Variants in SHANK2 observed in about 807,000 individuals in gnomAD.
SHANK2 encodes SH3 and multiple ankyrin repeat domains protein 2.
In SHANK2, 43 loss-of-function variants were observed where a neutral mutation model predicts 133.7. That is an observed-to-expected ratio of 0.32 (90% confidence interval 0.25 to 0.41). The LOEUF is 0.41. Among genes scored for constraint, SHANK2 ranks in the 10% least tolerant of loss-of-function variants. The pLI, the probability that SHANK2 is intolerant of heterozygous loss-of-function variation, is 1.00. For synonymous variants in SHANK2, 1,017 were observed against 952.8 expected (o/e 1.07, Z -1.24); for missense variants, 1,994 against 2,235.8 (o/e 0.89, Z 2.18).
intron 2 of SHANK2, among the ~76,000 whole-genome samples, chr11:71,152,566 A>G (rs1215144100): frequency 7.2e-5 from 11 of 152,314 alleles, no homozygotes; most frequent in African/African-American, 1.9e-4. Context: ...GCCGGCGGAC[A>G]TCTTCACCCC....
At chr11:70,477,258 G>A (rs2058675940) in intron 25 of SHANK2, 1 of 152,250 alleles carries the variant, frequency 6.6e-6, no homozygotes, top group Non-Finnish European at 1.5e-5. Flanking sequence ...AACAAGAAAG[G>A]AAGAAACAGA....
chr11:70,909,267 G>A (rs1950154220), intron 10 of SHANK2, among the ~76,000 whole-genome samples: 1 of 152,228 alleles, frequency 6.6e-6, no homozygotes, highest in African/African-American at 2.4e-5. Context: ...CCTGGGGCTA[G>A]AAAGGCGTGA....
chr11:71,065,353 G>GGT (rs1362643939), intron 9 of SHANK2, among the ~76,000 whole-genome samples: 5 of 144,016 alleles, frequency 3.5e-5, no homozygotes, highest in South Asian at 2.3e-4. Context: ...AAGTTGTGGG[G>GGT]GTGTGTGTGT....
intron 17 of SHANK2, among the ~76,000 whole-genome samples, chr11:70,564,039 A>T (rs2059939288): frequency 6.6e-6 from 1 of 152,090 alleles, no homozygotes; most frequent in Admixed American, 6.6e-5. Flanking sequence ...TTCATGTGTC[A>T]CGTGTCCTTT....
At chr11:70,795,209 A>G (rs1239167134) in intron 14 of SHANK2, among the ~76,000 whole-genome samples, 1 of 151,980 alleles carries the variant, frequency 6.6e-6, no homozygotes, top group African/African-American at 2.4e-5. Flanking sequence ...CATCTGTGTT[A>G]GGGAGAAAGA....
Position 70,672,826 on chromosome 11 carries a change from C to T in SHANK2, c.1854-11148G>A, listed in dbSNP as rs117297989. Among the ~76,000 whole-genome samples the T allele has an allele frequency of 5.7e-4, 87 of 152,340 alleles. 1 individual carries two copies. The East Asian group carries it at 0.014, about 25-fold the overall frequency. On this transcript the variant is annotated intron_variant, in intron 15 of 25. Coordinates refer to ENST00000601538, the MANE Select transcript of SHANK2 (RefSeq NM_012309.5). ...TGCAGCCTTGGATGGTGCCAGCCAC[C>T]GGTGTTATTTTTGGAAGGAAGGAAA...
rs879235729 is a variant in SHANK2, at chr11:71,057,914, GT to G, written c.1030-1357del. Among the ~76,000 whole-genome samples, 493 of 121,026 alleles carry G rather than the reference GT, an allele frequency of 4.1e-3. 1 individual carries two copies. Among genetic ancestry groups the G allele is most frequent in the East Asian group, 6.6e-3 (28 of 4,224 alleles). The allele number at this position is 121,026 out of a possible 152,430, so 79.4% of individuals were successfully genotyped here. A position where few individuals can be genotyped will look rare whatever the true frequency, so the allele number is the denominator to read the frequency against. On this transcript the variant is annotated intron_variant, in intron 9 of 25. Coordinates refer to ENST00000601538, the MANE Select transcript of SHANK2 (RefSeq NM_012309.5). ...AATGTTGTTAAAAGCAAGCAAAACG[GT>G]TTTTTTTTTTTTTTTTGAGACAGGG...
At chr11:70,579,973 T>G (rs1381702612) in intron 17 of SHANK2, among the ~76,000 whole-genome samples, 1 of 152,122 alleles carries the variant, frequency 6.6e-6, no homozygotes, top group African/African-American at 2.4e-5. Context: ...TCCTGGAGCC[T>G]CCAGCAGAAA....
At chr11:70,543,929 T>C (rs1172262691) in intron 17 of SHANK2, among the ~76,000 whole-genome samples, 1 of 152,208 alleles carries the variant, frequency 6.6e-6, no homozygotes, top group African/African-American at 2.4e-5. Context: ...TTGCTTGCTG[T>C]GTGTGGGAAC....
intron 2 of SHANK2, among the ~76,000 whole-genome samples, chr11:71,205,847 T>C (rs2135659923): frequency 6.6e-6 from 1 of 152,202 alleles, no homozygotes; most frequent in East Asian, 1.9e-4. Flanking sequence ...TGGGGCCATG[T>C]CAAGAGTCGT....
chr11:70,845,188 G>T (rs371562752), intron 11 of SHANK2, among the ~76,000 whole-genome samples: 18 of 100,762 alleles, frequency 1.8e-4, no homozygotes, highest in South Asian at 7.5e-4. Context: ...GACAGAGCAA[G>T]ACTCTGTCTC....
chr11:70,942,930 G>T (rs920747470), intron 10 of SHANK2: 4 of 452,706 alleles, frequency 8.8e-6, no homozygotes, highest in African/African-American at 8.0e-5. Context: ...GGAGAATAAA[G>T]ATAGATGGGA....
chr11:70,784,343 GTTTTTTTTTTTTTTTTTT>G (rs71049942), intron 14 of SHANK2, among the ~76,000 whole-genome samples: 6 of 42,846 alleles, frequency 1.4e-4, no homozygotes, highest in South Asian at 1.4e-3. Flanking sequence ...ACACCGGCTA[GTTTTTTTTTTTTTTTTTT>G]TTTTTTTTTT....
At chr11:70,489,739 C>A in intron 23 of SHANK2, 1 of 315,586 alleles carries the variant, frequency 3.2e-6, no homozygotes, top group South Asian at 3.9e-5. Flanking sequence ...TCAAGTGTAC[C>A]TTTGCCTGCA....
At chr11:71,108,943 C>T (rs1018372376) in intron 6 of SHANK2, among the ~76,000 whole-genome samples, 2 of 152,218 alleles carry the variant, frequency 1.3e-5, no homozygotes, top group African/African-American at 4.8e-5. Context: ...GCGGGCCCCC[C>T]CCCAGCGTTC....
Position 70,490,270 on chromosome 11 carries a change from T to C in SHANK2, c.2551+6A>G, listed in dbSNP as rs558874671. Reference sequence around the variant, plus strand: ...AACTTCTGTGGGGGAGTGCCACACTTCTTACCTATTGATTTCTGCCTTCGC... The same window carrying C: ...AACTTCTGTGGGGGAGTGCCACACTCCTTACCTATTGATTTCTGCCTTCGC... On this transcript the variant is annotated splice_donor_region_variant and intron_variant, in intron 23 of 25. Transcript: ENST00000601538. 6.2e-7 allele frequency: 1 copy of C among 1,612,056 alleles called. No homozygotes were observed. Among genetic ancestry groups the C allele is most frequent in the Admixed American group, 1.7e-5 (1 of 60,028 alleles).
intron 11 of SHANK2, among the ~76,000 whole-genome samples, chr11:70,873,869 G>A (rs572653577): frequency 6.6e-6 from 1 of 152,086 alleles, no homozygotes; most frequent in South Asian, 2.1e-4. Context: ...CCAGCCTCCT[G>A]TCACTAGCAC....
chr11:70,641,424 T>A (rs1555006318), intron 17 of SHANK2, among the ~76,000 whole-genome samples: 1 of 152,152 alleles, frequency 6.6e-6, no homozygotes, highest in Admixed American at 6.5e-5. Context: ...CTTTAGCTTG[T>A]CTAGGAGGAT....
intron 17 of SHANK2, among the ~76,000 whole-genome samples, chr11:70,590,416 G>A (rs557287809): frequency 6.6e-6 from 1 of 152,344 alleles, no homozygotes; most frequent in African/African-American, 2.4e-5. Flanking sequence ...CCAATTCTGA[G>A]AATTTCTGCT....
Sources: allele counts gnomAD v4.1 joint callset (sites outside exome capture counted in the v4.1 genomes callset), GRCh38; gene constraint gnomAD v4.1.1; transcripts MANE v1.5; gene names NCBI Gene and HGNC (gene_info 2026-07-23, HGNC 2026-07-21).